Variants in KPNA3 observed in about 807,000 individuals in gnomAD.
The protein encoded by KPNA3 is importin subunit alpha-4.
KPNA3 carries 13 observed loss-of-function variants against 73.8 expected under a neutral mutation model. The ratio of observed to expected loss-of-function variants is 0.18; its 90% CI spans 0.11 to 0.28. The LOEUF (loss-of-function observed/expected upper bound fraction) is 0.28. Among genes scored for constraint, KPNA3 ranks in the 10% least tolerant of loss-of-function variants. The pLI is 1.00. For missense variants in KPNA3, 360 were observed against 618.1 expected (o/e 0.58, Z 4.43); for synonymous variants, 186 against 206.9 (o/e 0.90, Z 0.87).
At chr13:49,750,658 C>A (rs1291397404) in intron 1 of KPNA3, among the ~76,000 whole-genome samples, 2 of 151,688 alleles carry the variant, frequency 1.3e-5, no homozygotes, top group African/African-American at 2.4e-5. Context: ...TTTGCCAGCA[C>A]CTGGTCTAGT....
At chr13:49,758,795 ATT>A (rs1179616722) in intron 1 of KPNA3, among the ~76,000 whole-genome samples, 13 of 152,260 alleles carry the variant, frequency 8.5e-5, no homozygotes, top group East Asian at 1.9e-4. Context: ...CACACACAAA[ATT>A]TTGTTTTAAT....
intron 8 of KPNA3, 113 bp downstream of exon 8, chr13:49,722,364 A>C (rs1294257919): frequency 1.4e-6 from 1 of 729,784 alleles, no homozygotes; most frequent in African/African-American, 1.8e-5. Flanking sequence ...TTATGAGGCA[A>C]GAAGAGAGTC....
chr13:49,711,163 T>A, intron 10 of KPNA3, 141 bp from the exon 11 acceptor site: 2 of 637,078 alleles, frequency 3.1e-6, no homozygotes, highest in Non-Finnish European at 5.2e-6. Context: ...CTTAGCTGAT[T>A]AATCTATTAA....
chr13:49,747,417 G>A (rs2137569748), intron 1 of KPNA3, among the ~76,000 whole-genome samples: 1 of 152,232 alleles, frequency 6.6e-6, no homozygotes, highest in South Asian at 2.1e-4. Context: ...TTGGCTGGGT[G>A]CAGTGGCTCA....
In KPNA3 at chr13:49,788,736, TTTAA is replaced by T. The variant is rs1394186736; in HGVS notation, c.69+3698_69+3701del. ...GACCCTCTTTTTTTTTTTTTTTTTT[TTTAA>T]AAAAAAAAAGCACATTCCAGAACAA... On this transcript the variant is annotated intron_variant, in intron 1 of 16. Transcript: ENST00000261667. 4.9e-3 allele frequency among the ~76,000 whole-genome samples: 379 copies of T among 77,926 alleles called. 1 individual carries two copies. The highest frequency in any genetic ancestry group is 0.012 in the Middle Eastern group (2 of 164). The allele number at this position is 77,926 out of a possible 152,430, so 51.1% of individuals were successfully genotyped here. A position where few individuals can be genotyped will look rare whatever the true frequency, so the allele number is the denominator to read the frequency against.
intron 6 of KPNA3, among the ~76,000 whole-genome samples, chr13:49,727,469 A>G (rs1202726576): frequency 6.6e-6 from 1 of 151,598 alleles, no homozygotes; most frequent in African/African-American, 2.4e-5. Flanking sequence ...AAAAAGAAAG[A>G]AAAAAGAGAA....
At chr13:49,708,680 A>T (rs1309858107) in intron 12 of KPNA3, among the ~76,000 whole-genome samples, 1 of 152,240 alleles carries the variant, frequency 6.6e-6, no homozygotes, top group Non-Finnish European at 1.5e-5. Flanking sequence ...CATACAATGG[A>T]ATATTTATTC....
At chr13:49,716,098 T>G (rs1201661969) in intron 10 of KPNA3, among the ~76,000 whole-genome samples, 2 of 152,176 alleles carry the variant, frequency 1.3e-5, no homozygotes, top group African/African-American at 4.8e-5. Flanking sequence ...TCTCAAAGGC[T>G]GGGAGAAGAT....
chr13:49,727,953 C>A (rs183180615), intron 6 of KPNA3, among the ~76,000 whole-genome samples: 1 of 152,044 alleles, frequency 6.6e-6, no homozygotes, highest in Admixed American at 6.5e-5. Flanking sequence ...AGGGACAAGT[C>A]GGCCGGGCAT....
At chr13:49,710,856 C>T (rs1954253692) in intron 11 of KPNA3, 35 bp downstream of exon 11, 3 of 1,590,784 alleles carry the variant, frequency 1.9e-6, no homozygotes, top group Middle Eastern at 1.7e-4. Flanking sequence ...GCAAACACAA[C>T]TGTATACAAA....
intron 1 of KPNA3, among the ~76,000 whole-genome samples, chr13:49,770,629 T>C (rs1954845460): frequency 6.6e-6 from 1 of 152,104 alleles, no homozygotes; most frequent in Non-Finnish European, 1.5e-5. Context: ...ACACAGATGT[T>C]TTCTTCTGAG....
At chr13:49,779,030 G>T (rs532647197) in intron 1 of KPNA3, among the ~76,000 whole-genome samples, 1 of 151,654 alleles carries the variant, frequency 6.6e-6, no homozygotes, top group Non-Finnish European at 1.5e-5. Flanking sequence ...ATTTTTCTAC[G>T]CCTTAAATTT....
chr13:49,761,261 T>C (rs1283462631), intron 1 of KPNA3, among the ~76,000 whole-genome samples: 4 of 152,080 alleles, frequency 2.6e-5, no homozygotes, highest in Admixed American at 6.5e-5. Flanking sequence ...TCCCTCTCCC[T>C]CTCCCCACGG....
At chr13:49,788,717 CT>C (rs143440962) in intron 1 of KPNA3, among the ~76,000 whole-genome samples, 49 of 112,678 alleles carry the variant, frequency 4.3e-4, no homozygotes, top group South Asian at 3.0e-3. Flanking sequence ...GCCAGACCCT[CT>C]TTTTTTTTTT....
At chr13:49,706,610 C>A (rs1208457222) in intron 12 of KPNA3, among the ~76,000 whole-genome samples, 3 of 152,112 alleles carry the variant, frequency 2.0e-5, no homozygotes, top group Non-Finnish European at 2.9e-5. Context: ...TATAGGCCTA[C>A]TATAAGCTAG....
chr13:49,704,445 ATAAATAAATAAAT>A (rs1427239117), intron 15 of KPNA3, among the ~76,000 whole-genome samples: 5 of 44,726 alleles, frequency 1.1e-4, no homozygotes, highest in Admixed American at 2.5e-4. Flanking sequence ...AAATAAATAA[ATAAATAAATAAAT>A]AAATAAATAA....
chr13:49,730,001 A>G (rs1370802745), intron 6 of KPNA3, among the ~76,000 whole-genome samples: 1 of 152,202 alleles, frequency 6.6e-6, no homozygotes, highest in Admixed American at 6.5e-5. Flanking sequence ...TTACATTATA[A>G]CACAACTTCC....
At chr13:49,723,101 A>G (rs1026445451) in intron 7 of KPNA3, among the ~76,000 whole-genome samples, 2 of 148,034 alleles carry the variant, frequency 1.4e-5, no homozygotes, top group Admixed American at 6.7e-5. Context: ...TTTTTGCTGT[A>G]TCTGTGTATT....
intron 1 of KPNA3, among the ~76,000 whole-genome samples, chr13:49,758,664 T>C (rs1594453122): frequency 6.6e-6 from 1 of 152,208 alleles, no homozygotes; most frequent in East Asian, 1.9e-4. Flanking sequence ...TGAATTTGAA[T>C]TGGAATATCA....
Sources: allele counts gnomAD v4.1 joint callset (sites outside exome capture counted in the v4.1 genomes callset), GRCh38; gene constraint gnomAD v4.1.1; transcripts MANE v1.5; gene names NCBI Gene and HGNC (gene_info 2026-07-23, HGNC 2026-07-21).